LONRF3: variants seen among roughly 807,000 people sequenced by gnomAD.
The protein encoded by LONRF3 is LON peptidase N-terminal domain and RING finger protein 3.
A neutral mutation model predicts 51.7 loss-of-function variants in LONRF3; 19 were observed. The ratio of observed to expected loss-of-function variants is 0.37; its 90% CI spans 0.26 to 0.54. The LOEUF is 0.54. Among genes scored for constraint, LONRF3 ranks in the 20% least tolerant of loss-of-function variants. LONRF3 has a pLI of 0.86. For synonymous variants in LONRF3, 265 were observed against 257.8 expected (o/e 1.03, Z -0.27); for missense variants, 521 against 623.9 (o/e 0.84, Z 1.76).
At chrX:119,015,369 G>T (rs1447629393) in intron 10 of LONRF3, among the ~76,000 whole-genome samples, 8 of 111,932 alleles carry the variant, frequency 7.1e-5, no homozygotes, top group African/African-American at 2.6e-4. Context: ...CATGAGGAGG[G>T]TTCTAAAGCC....
At chrX:119,009,850 A>C (rs1924982088) in intron 7 of LONRF3, among the ~76,000 whole-genome samples, 1 of 110,562 alleles carries the variant, frequency 9.0e-6, no homozygotes, top group Admixed American at 9.6e-5. Context: ...GCTTACTGCA[A>C]CCTCCGCCTT....
intron 7 of LONRF3, among the ~76,000 whole-genome samples, chrX:119,011,419 A>G (rs1925101874): frequency 9.0e-6 from 1 of 111,640 alleles, no homozygotes; most frequent in Admixed American, 9.5e-5. Flanking sequence ...ATCATCAGCA[A>G]CCTTCCCCAT....
chrX:119,008,868 A>G (rs1043649405), intron 6 of LONRF3, among the ~76,000 whole-genome samples: 3 of 112,146 alleles, frequency 2.7e-5, no homozygotes, highest in Non-Finnish European at 3.8e-5. Context: ...GAGAGTTTTA[A>G]AACTTCAATG....
At chrX:119,012,120 T>C (rs754934080) in intron 8 of LONRF3, 147 bp downstream of exon 8, 11 of 566,267 alleles carry the variant, frequency 1.9e-5, no homozygotes, top group Non-Finnish European at 3.0e-5. Flanking sequence ...CATTGTCCCT[T>C]TGGTGGTTAG....
chrX:118,995,776 C>T (rs2147286114), intron 5 of LONRF3, among the ~76,000 whole-genome samples: 1 of 111,976 alleles, frequency 8.9e-6, no homozygotes, highest in Non-Finnish European at 1.9e-5. Flanking sequence ...TACAATCCTC[C>T]TAGCTTAAAT....
At chrX:118,979,829 A>C (rs1310431091) in intron 2 of LONRF3, among the ~76,000 whole-genome samples, 2 of 111,433 alleles carry the variant, frequency 1.8e-5, no homozygotes, top group African/African-American at 6.5e-5. Context: ...GGGGGGTGAG[A>C]AGAAAAACGG....
Position 118,975,205 on chromosome X carries a change from G to T in LONRF3, c.425G>T (p.Gly142Val). 5.1e-6 allele frequency: 6 copies of T among 1,166,883 alleles called. No homozygotes were observed. In the South Asian group the frequency reaches 1.1e-4, roughly 22 times the overall value. The stretch of plus-strand genomic sequence containing the variant: ...GGCACCGTGGCGGCGGAAGAGACGG[G>T]GGCCGCCGCGGCTGCGGCGGCCACC... ...ASGTVAAEET[G>V]AAAAAAATEV... The change falls in exon 1 of 11, where the codon GGG becomes GTG. Residue 142 changes from glycine (G) to valine (V), a missense_variant. Gly to Val is a moderately radical substitution (Grantham distance 109). This residue lies in a region of LONRF3 where 376 missense variants were observed against 376.7 expected (regional missense o/e 1.00). Transcript: ENST00000371628.
At chrX:119,006,546 G>T (rs760684812) in intron 6 of LONRF3, among the ~76,000 whole-genome samples, 1 of 104,633 alleles carries the variant, frequency 9.6e-6, no homozygotes, top group Non-Finnish European at 2.0e-5. Flanking sequence ...GATTACAGGC[G>T]CATGCCACCA....
chrX:118,989,041 C>T (rs1038406593), intron 3 of LONRF3, among the ~76,000 whole-genome samples: 1 of 110,156 alleles, frequency 9.1e-6, no homozygotes, highest in African/African-American at 3.3e-5. Context: ...GCCGTCACTG[C>T]CTGCCTTGGT....
chrX:118,974,628 G>C lies in LONRF3; in HGVS notation c.-153G>C. The C allele has an allele frequency of 2.1e-6, 1 of 465,133 alleles. No individual in the cohort carries two copies. Among genetic ancestry groups the C allele is most frequent in the Non-Finnish European group, 3.7e-6 (1 of 268,165 alleles). 38.3% of individuals were successfully genotyped at this position (465,133 alleles called of 1,213,427 possible). A position where few individuals can be genotyped will look rare whatever the true frequency, so the allele number is the denominator to read the frequency against. On this transcript the variant is annotated 5_prime_UTR_variant, in exon 1 of 11. Coordinates refer to ENST00000371628, the MANE Select transcript of LONRF3 (RefSeq NM_001031855.3). Reference sequence around the variant, plus strand: ...TGAGACAAGACAGTTATTAGGCGGCGCGGGGCGGCCGGCATGGAGCTCCCG... The same window carrying C: ...TGAGACAAGACAGTTATTAGGCGGCCCGGGGCGGCCGGCATGGAGCTCCCG...
intron 1 of LONRF3, chrX:118,976,965 G>A (rs1469199442): frequency 8.9e-6 from 1 of 111,812 alleles, no homozygotes; most frequent in African/African-American, 3.3e-5. Flanking sequence ...GGAGGAGGAG[G>A]AGGAATGAGG....
At chrX:119,008,854 CTG>C (rs1353914705) in intron 6 of LONRF3, among the ~76,000 whole-genome samples, 2 of 111,859 alleles carry the variant, frequency 1.8e-5, no homozygotes, top group Non-Finnish European at 3.8e-5. Flanking sequence ...TTCAGAAAAA[CTG>C]TGAGAGTTTT....
intron 7 of LONRF3, among the ~76,000 whole-genome samples, chrX:119,011,137 A>G (rs1925081760): frequency 9.1e-6 from 1 of 109,858 alleles, no homozygotes; most frequent in African/African-American, 3.3e-5. Context: ...AAAGAAAAAG[A>G]AAGACCCTTG....
chrX:118,982,175 C>A (rs1042441326), intron 2 of LONRF3, among the ~76,000 whole-genome samples: 1 of 111,878 alleles, frequency 8.9e-6, no homozygotes, highest in African/African-American at 3.2e-5. Flanking sequence ...CAGAAGTGAT[C>A]CAGGCCCCTA....
chrX:118,981,647 C>T (rs1002114799), intron 2 of LONRF3, among the ~76,000 whole-genome samples: 2 of 110,987 alleles, frequency 1.8e-5, no homozygotes, highest in Admixed American at 9.6e-5. Flanking sequence ...GGAGAAGCAA[C>T]AAGGGAGGCC....
chrX:119,007,050 C>T (rs1264910906), intron 6 of LONRF3, among the ~76,000 whole-genome samples: 4 of 112,651 alleles, frequency 3.6e-5, no homozygotes, highest in African/African-American at 9.7e-5. Context: ...TAGCCACTGT[C>T]CCCCTCTCCA....
At chrX:119,009,318 TC>T in intron 7 of LONRF3, 71 bp downstream of exon 7, 1 of 1,016,481 alleles carries the variant, frequency 9.8e-7, no homozygotes. Context: ...GCACATTACT[TC>T]CCAGCTTCCG....
chrX:119,017,536 T>C lies in LONRF3; in HGVS notation c.2126T>C (p.Met709Thr). The C allele has an allele frequency of 5.8e-6, 7 of 1,208,251 alleles. No homozygotes were observed. Among genetic ancestry groups the C allele is most frequent in the Non-Finnish European group, 7.8e-6 (7 of 893,968 alleles). ...CTCCATTGTGTTTCTCTGTTGCAGA[T>C]GAACCCGAATGGCCCAGCCTGGTGC... Reference protein sequence around the residue: ...PMPEKDADPQMNPNGPAWCWW... With the variant: ...PMPEKDADPQTNPNGPAWCWW... Residue 709 changes from methionine (M) to threonine (T), a missense_variant and splice_region_variant, in exon 11 of 11, where the codon ATG becomes ACG. Around this residue, in one of 2 missense-constraint regions of LONRF3, gnomAD observed 145 missense variants for 247.2 expected, o/e 0.59. Coordinates refer to ENST00000371628, the MANE Select transcript of LONRF3 (RefSeq NM_001031855.3).
chrX:118,983,030 C>G (rs1303117749), intron 3 of LONRF3, 87 bp downstream of exon 3: 1 of 1,058,757 alleles, frequency 9.4e-7, no homozygotes, highest in Admixed American at 2.7e-5. Flanking sequence ...GTGCTGTCCT[C>G]CTTGGCATTT....
Sources: gnomAD v4.1 joint callset for allele counts (sites outside exome capture counted in the v4.1 genomes callset) on GRCh38, gnomAD v4.1.1 for gene constraint, gnomAD v4.1.1 regional missense constraint, MANE v1.5 for transcripts, NCBI Gene and HGNC (gene_info 2026-07-23, HGNC 2026-07-21) for gene names.